The following KCNIP4 variants were observed in gnomAD, a reference collection of about 807,000 sequenced individuals.
KCNIP4 encodes the protein potassium voltage-gated channel interacting protein 4, also known as Kv channel-interacting protein 4.
In KCNIP4, 12 loss-of-function variants were observed where a neutral mutation model predicts 34.0. The observed-to-expected ratio is 0.35, with a 90% confidence interval of 0.23 to 0.57. KCNIP4 has a LOEUF of 0.57. KCNIP4 is among the 20% of genes least tolerant of loss of function. The probability of loss-of-function intolerance (pLI) is 0.83; values close to 1 mark genes in which losing one functional copy is unlikely to be tolerated. For missense variants in KCNIP4, 238 were observed against 311.7 expected (o/e 0.76, Z 1.78); for synonymous variants, 124 against 102.2 (o/e 1.21, Z -1.29).
intron 1 of KCNIP4, among the ~76,000 whole-genome samples, chr4:21,102,380 G>C (rs975445897): frequency 1.3e-5 from 2 of 152,074 alleles, no homozygotes; most frequent in Admixed American, 1.3e-4. Context: ...AAGGGCAATG[G>C]GGCATTGGCT....
intron 1 of KCNIP4, among the ~76,000 whole-genome samples, chr4:21,011,171 C>T (rs1739034363): frequency 6.6e-6 from 1 of 152,184 alleles, no homozygotes. Flanking sequence ...GGCTTCTTTG[C>T]TTTCTTGTGA....
intron 1 of KCNIP4, among the ~76,000 whole-genome samples, chr4:21,000,153 A>T (rs35343105): frequency 0.16 from 24,055 of 152,134 alleles, 2,405 homozygotes; most frequent in Non-Finnish European, 0.22. Flanking sequence ...GCTAAGCAGA[A>T]GGATCTGCAG....
At chr4:20,850,436 C>T (rs2149482846) in intron 3 of KCNIP4, 107 bp downstream of exon 3, 1 of 1,172,052 alleles carries the variant, frequency 8.5e-7, no homozygotes, top group Non-Finnish European at 1.2e-6. Context: ...ATGAAATATA[C>T]ATATGATGGG....
At chr4:21,605,317 C>T (rs762348767) in intron 1 of KCNIP4, among the ~76,000 whole-genome samples, 1 of 152,148 alleles carries the variant, frequency 6.6e-6, no homozygotes, top group Non-Finnish European at 1.5e-5. Flanking sequence ...TCCTTGGAGG[C>T]TATAGGCTTC....
At chr4:21,569,234 TAAAAAAAAAAA>T (rs71191521) in intron 1 of KCNIP4, among the ~76,000 whole-genome samples, 7 of 25,188 alleles carry the variant, frequency 2.8e-4, no homozygotes, top group Admixed American at 8.9e-4. Context: ...ACTGATATTC[TAAAAAAAAAAA>T]AAAAAAAAAA....
At chr4:20,981,551 G>T (rs768545320) in intron 1 of KCNIP4, among the ~76,000 whole-genome samples, 1 of 152,122 alleles carries the variant, frequency 6.6e-6, no homozygotes, top group Non-Finnish European at 1.5e-5. Flanking sequence ...AGTAGTCTTT[G>T]GTTTTGATCC....
At chr4:21,131,609 C>CAAAACA (rs1229446246) in intron 1 of KCNIP4, among the ~76,000 whole-genome samples, 6 of 151,714 alleles carry the variant, frequency 4.0e-5, no homozygotes, top group South Asian at 2.1e-4. Flanking sequence ...GACTCAGTCT[C>CAAAACA]AAAACAAAAA....
intron 1 of KCNIP4, among the ~76,000 whole-genome samples, chr4:20,901,368 G>A (rs571346463): frequency 6.6e-6 from 1 of 152,200 alleles, no homozygotes; most frequent in African/African-American, 2.4e-5. Flanking sequence ...AGCCTCACCC[G>A]GTAGCTTGTT....
intron 1 of KCNIP4, among the ~76,000 whole-genome samples, chr4:21,545,522 C>G: frequency 6.6e-6 from 1 of 152,132 alleles, no homozygotes; most frequent in East Asian, 1.9e-4. Context: ...TGTCCTAATG[C>G]TCTCCCTCCC....
chr4:21,286,537 A>G (rs1457612459), intron 1 of KCNIP4, among the ~76,000 whole-genome samples: 1 of 152,154 alleles, frequency 6.6e-6, no homozygotes, highest in Admixed American at 6.5e-5. Flanking sequence ...CCTCATTTCT[A>G]TTTTAAACTA....
intron 1 of KCNIP4, among the ~76,000 whole-genome samples, chr4:21,035,272 C>T (rs538346482): frequency 1.0e-3 from 158 of 152,254 alleles, no homozygotes; most frequent in Non-Finnish European, 1.7e-3. Flanking sequence ...GCATTGCCTG[C>T]AATTTCCAAG....
chr4:21,425,414 C>T (rs1228792158), intron 1 of KCNIP4, among the ~76,000 whole-genome samples: 1 of 152,038 alleles, frequency 6.6e-6, no homozygotes, highest in Admixed American at 6.5e-5. Context: ...GACATTAAAA[C>T]CTAACTTTCT....
chr4:21,501,646 G>A lies in KCNIP4; in HGVS notation c.61+446925C>T, dbSNP rs116536288. Among the ~76,000 whole-genome samples the A allele has an allele frequency of 6.1e-3, 892 of 146,080 alleles. 11 individuals are homozygous for A. Among genetic ancestry groups the A allele is most frequent in the African/African-American group, 0.022 (854 of 39,232 alleles). ...TGGTCTTCAACTCTGCAGCAATTAT[G>A]GGCTGTACTCCTCAAATTCACATTT... On this transcript the variant is annotated intron_variant, in intron 1 of 8. Coordinates refer to ENST00000382152, the MANE Select transcript of KCNIP4 (RefSeq NM_025221.6).
chr4:21,105,032 G>C (rs901909846), intron 1 of KCNIP4, among the ~76,000 whole-genome samples: 1 of 151,696 alleles, frequency 6.6e-6, no homozygotes. Flanking sequence ...GTAGCGTGAT[G>C]CTTCCAGCTT....
intron 3 of KCNIP4, among the ~76,000 whole-genome samples, chr4:20,837,688 T>A (rs962963240): frequency 1.1e-4 from 15 of 139,192 alleles, no homozygotes; most frequent in East Asian, 6.0e-4. Context: ...ATATATATAT[T>A]TTTTTTTCCT....
intron 1 of KCNIP4, among the ~76,000 whole-genome samples, chr4:21,266,273 C>T (rs16870658): frequency 0.033 from 5,047 of 152,174 alleles, 305 homozygotes; most frequent in African/African-American, 0.12. Context: ...AAAGAGGATG[C>T]TTTTCCTATT....
intron 1 of KCNIP4, among the ~76,000 whole-genome samples, chr4:21,459,125 T>C (rs1351313558): frequency 6.6e-6 from 1 of 152,076 alleles, no homozygotes; most frequent in Non-Finnish European, 1.5e-5. Flanking sequence ...TGTTTCAAAC[T>C]TCTCAAAAGA....
At position 21,192,917 on chromosome 4, in the gene KCNIP4, TAC is replaced by T. The variant is rs1491215399; in HGVS notation, c.62-310210_62-310209del. 1.9e-4 allele frequency among the ~76,000 whole-genome samples: 11 copies of T among 57,356 alleles called. No individual in the cohort carries two copies. The African/African-American group carries it at 2.2e-3, about 12-fold the overall frequency. 37.6% of individuals were successfully genotyped at this position (57,356 alleles called of 152,430 possible). A position where few individuals can be genotyped will look rare whatever the true frequency, so the allele number is the denominator to read the frequency against. Reference sequence around the variant, plus strand: ...CCCCCCAGCCCTGCCGCCCCGTCTCTACTACTACTACTACTACTACTACTACT... The same window carrying T: ...CCCCCCAGCCCTGCCGCCCCGTCTCTTACTACTACTACTACTACTACTACT... On this transcript the variant is annotated intron_variant, in intron 1 of 8. Coordinates refer to ENST00000382152, the MANE Select transcript of KCNIP4 (RefSeq NM_025221.6).
intron 1 of KCNIP4, among the ~76,000 whole-genome samples, chr4:21,831,536 A>G (rs943259184): frequency 3.3e-5 from 5 of 151,926 alleles, no homozygotes; most frequent in African/African-American, 1.2e-4. Context: ...ATACACTAAC[A>G]AATTGAACAA....
Sources: gnomAD v4.1 joint callset for allele counts (sites outside exome capture counted in the v4.1 genomes callset) on GRCh38, gnomAD v4.1.1 for gene constraint, MANE v1.5 for transcripts, NCBI Gene and HGNC (gene_info 2026-07-23, HGNC 2026-07-21) for gene names.